Variants in MAGI2 observed in about 807,000 individuals in gnomAD.
MAGI2 encodes the protein membrane associated guanylate kinase, WW and PDZ domain containing 2, also known as membrane-associated guanylate kinase, WW and PDZ domain-containing protein 2.
Under a neutral mutation model 133.3 loss-of-function variants are expected in MAGI2, and 35 were observed. The ratio of observed to expected loss-of-function variants is 0.26; its 90% CI spans 0.20 to 0.35. MAGI2 has a LOEUF of 0.35. Ranked by LOEUF, MAGI2 falls within the 10% of genes least tolerant of loss-of-function variation. The pLI is 1.00. For missense variants in MAGI2, 1,636 were observed against 1,863.4 expected (o/e 0.88, Z 2.25); for synonymous variants, 729 against 710.6 (o/e 1.03, Z -0.41).
chr7:78,394,095 G>C (rs573008378), intron 6 of MAGI2, among the ~76,000 whole-genome samples: 1 of 152,266 alleles, frequency 6.6e-6, no homozygotes, highest in Non-Finnish European at 1.5e-5. Flanking sequence ...AGAACCAGGA[G>C]TTCTGATGTC....
chr7:78,893,698 G>A (rs1365855179), intron 2 of MAGI2, among the ~76,000 whole-genome samples: 1 of 152,050 alleles, frequency 6.6e-6, no homozygotes, highest in African/African-American at 2.4e-5. Context: ...CATGGACACA[G>A]GAAGGGGAAC....
chr7:79,172,762 G>A (rs368870108), intron 1 of MAGI2, among the ~76,000 whole-genome samples: 31 of 152,102 alleles, frequency 2.0e-4, no homozygotes, highest in African/African-American at 7.2e-4. Flanking sequence ...GAAATAGGAT[G>A]TTATCTATAA....
chr7:78,615,748 G>T (rs535180087), intron 3 of MAGI2: 1 of 152,194 alleles, frequency 6.6e-6, no homozygotes, highest in South Asian at 2.1e-4. Context: ...ACGTCATTTT[G>T]GGCCTATTGT....
chr7:78,400,877 T>C (rs1796793069), intron 6 of MAGI2, among the ~76,000 whole-genome samples: 1 of 152,166 alleles, frequency 6.6e-6, no homozygotes, highest in Non-Finnish European at 1.5e-5. Context: ...TCCTATGACA[T>C]CCTGCTGCTT....
At chr7:79,212,906 G>T (rs1222978563) in intron 1 of MAGI2, among the ~76,000 whole-genome samples, 1 of 151,862 alleles carries the variant, frequency 6.6e-6, no homozygotes, top group African/African-American at 2.4e-5. Context: ...TCTCTTGAGG[G>T]GTTTTCTGTT....
intron 9 of MAGI2, among the ~76,000 whole-genome samples, chr7:78,333,773 C>T (rs1396589425): frequency 6.6e-6 from 1 of 152,164 alleles, no homozygotes; most frequent in East Asian, 1.9e-4. Context: ...GCATGCTAGC[C>T]CCAGGAGAGC....
At chr7:79,176,357 G>A (rs969185277) in intron 1 of MAGI2, among the ~76,000 whole-genome samples, 1 of 151,896 alleles carries the variant, frequency 6.6e-6, no homozygotes, top group African/African-American at 2.4e-5. Context: ...GACCATTCTA[G>A]GTCCCAAGCA....
At chr7:78,063,241 TTTTC>T (rs1813465991) in intron 21 of MAGI2, among the ~76,000 whole-genome samples, 1 of 27,918 alleles carries the variant, frequency 3.6e-5, no homozygotes, top group South Asian at 1.5e-3. Flanking sequence ...TATTTTTTTC[TTTTC>T]TTTTCTTTTC....
intron 1 of MAGI2, among the ~76,000 whole-genome samples, chr7:79,205,818 A>T (rs1201146326): frequency 6.6e-6 from 1 of 151,616 alleles, no homozygotes; most frequent in Non-Finnish European, 1.5e-5. Flanking sequence ...ATAACCTGTT[A>T]TAACTATAAG....
chr7:78,458,294 C>CAAAAAAAAAAAAAA (rs11380893), intron 6 of MAGI2, among the ~76,000 whole-genome samples: 1 of 113,078 alleles, frequency 8.8e-6, no homozygotes, highest in African/African-American at 3.6e-5. Flanking sequence ...AACTCGGTCT[C>CAAAAAAAAAAAAAA]AAAAAAAAAA....
chr7:79,009,613 T>C (rs1461049768), intron 1 of MAGI2, among the ~76,000 whole-genome samples: 1 of 152,160 alleles, frequency 6.6e-6, no homozygotes, highest in African/African-American at 2.4e-5. Flanking sequence ...AGCTCTGATT[T>C]AGTTTTGGGC....
intron 6 of MAGI2, among the ~76,000 whole-genome samples, chr7:78,396,999 T>C (rs1167133440): frequency 6.6e-6 from 1 of 152,150 alleles, no homozygotes; most frequent in East Asian, 1.9e-4. Context: ...GCTTAGAGCA[T>C]TGTTGAACCT....
At chr7:78,958,471 G>A (rs541486942) in intron 2 of MAGI2, among the ~76,000 whole-genome samples, 28 of 152,222 alleles carry the variant, frequency 1.8e-4, no homozygotes, top group African/African-American at 6.7e-4. Flanking sequence ...AGTTTGTTAT[G>A]AGTAATTTCT....
At chr7:78,412,071 AAT>A (rs1383741740) in intron 6 of MAGI2, among the ~76,000 whole-genome samples, 6 of 152,066 alleles carry the variant, frequency 3.9e-5, no homozygotes, top group African/African-American at 7.2e-5. Context: ...GTAAGAGAAT[AAT>A]ATGTTTATCG....
chr7:79,002,048 C>T (rs1029763785), intron 2 of MAGI2, among the ~76,000 whole-genome samples: 1 of 151,806 alleles, frequency 6.6e-6, no homozygotes, highest in African/African-American at 2.4e-5. Context: ...TCCTGAAGTT[C>T]AATTACATAC....
intron 2 of MAGI2, among the ~76,000 whole-genome samples, chr7:78,914,280 T>C (rs575432537): frequency 6.6e-6 from 1 of 152,134 alleles, no homozygotes; most frequent in Admixed American, 6.6e-5. Flanking sequence ...CATTCTCATT[T>C]TTAAAAATGG....
intron 2 of MAGI2, among the ~76,000 whole-genome samples, chr7:78,693,955 T>C (rs1817234059): frequency 6.6e-6 from 1 of 152,122 alleles, no homozygotes; most frequent in African/African-American, 2.4e-5. Context: ...AAAGCTGCCA[T>C]AGTTCCAAGC....
intron 3 of MAGI2, among the ~76,000 whole-genome samples, chr7:78,554,841 A>G (rs1256723563): frequency 6.6e-6 from 1 of 152,112 alleles, no homozygotes. Context: ...ACTTAGCATA[A>G]AAATACATAG....
chr7:78,319,244 T>C (rs1277163955), intron 9 of MAGI2, among the ~76,000 whole-genome samples: 1 of 152,148 alleles, frequency 6.6e-6, no homozygotes, highest in African/African-American at 2.4e-5. Context: ...AAGACACACA[T>C]AGGCTCAAAA....
Sources: gnomAD v4.1 joint callset for allele counts (sites outside exome capture counted in the v4.1 genomes callset) on GRCh38, gnomAD v4.1.1 for gene constraint, MANE v1.5 for transcripts, NCBI Gene and HGNC (gene_info 2026-07-23, HGNC 2026-07-21) for gene names.